The following BDP1 variants were observed in gnomAD, a reference collection of about 807,000 sequenced individuals.
BDP1 encodes BDP1 general transcription factor IIIB subunit.
Under a neutral mutation model 266.6 loss-of-function variants are expected in BDP1, and 169 were observed. That is an observed-to-expected ratio of 0.63 (90% CI 0.56 to 0.72). BDP1 has a LOEUF of 0.72. BDP1 is among the 30% of genes least tolerant of loss of function. The pLI, the probability that BDP1 is intolerant of heterozygous loss-of-function variation, is 0.00. For missense variants in BDP1, 3,015 were observed against 3,053.8 expected, an observed-to-expected ratio of 0.99 and a Z score of 0.30; for synonymous variants, 1,090 against 1,022.4, an observed-to-expected ratio of 1.07 and a Z score of -1.26.
chr5:71,537,691 C>T (rs569003369), intron 26 of BDP1: 248 of 167,372 alleles, frequency 1.5e-3, no homozygotes, highest in Non-Finnish European at 2.5e-3. Context: ...CTCTTGTTTG[C>T]ACTTTTTTTG....
chr5:71,501,416 C>T (rs1331113222), intron 13 of BDP1, 146 bp from the exon 14 acceptor site: 9 of 547,936 alleles, frequency 1.6e-5, no homozygotes, highest in Admixed American at 3.4e-5. Flanking sequence ...TCAGGCAATC[C>T]GCCTGCCTTG....
intron 34 of BDP1, among the ~76,000 whole-genome samples, chr5:71,551,136 A>C (rs1322831720): frequency 6.7e-6 from 1 of 149,040 alleles, no homozygotes; most frequent in African/African-American, 2.5e-5. Context: ...TTTTTAATTG[A>C]TCATTCTTGG....
At chr5:71,474,452 G>A (rs189299360) in intron 7 of BDP1, among the ~76,000 whole-genome samples, 26 of 151,872 alleles carry the variant, frequency 1.7e-4, no homozygotes, top group Non-Finnish European at 4.4e-5. Context: ...CTCCCAAGAA[G>A]TTGGGACTAT....
chr5:71,462,074 T>G, intron 3 of BDP1, 148 bp downstream of exon 3: 1 of 569,062 alleles, frequency 1.8e-6, no homozygotes, highest in South Asian at 2.0e-5. Context: ...GCGATTCTCC[T>G]GCCTCAGATT....
chr5:71,482,464 G>A (rs1479423480), intron 7 of BDP1, among the ~76,000 whole-genome samples: 3 of 152,286 alleles, frequency 2.0e-5, no homozygotes, highest in East Asian at 3.9e-4. Flanking sequence ...ATTCGTGGTG[G>A]AGTTGGATAT....
chr5:71,505,152 G>T (rs1047238792), intron 16 of BDP1, among the ~76,000 whole-genome samples: 1 of 152,038 alleles, frequency 6.6e-6, no homozygotes, highest in African/African-American at 2.4e-5. Flanking sequence ...GATTACAGGT[G>T]CCTGCCACCA....
At chr5:71,550,815 C>T (rs970787075) in intron 34 of BDP1, among the ~76,000 whole-genome samples, 12 of 152,118 alleles carry the variant, frequency 7.9e-5, no homozygotes, top group East Asian at 1.9e-4. Flanking sequence ...AAGTGATTCT[C>T]GTGCCTAAGC....
At chr5:71,506,111 AATT>A (rs1461469075) in intron 16 of BDP1, among the ~76,000 whole-genome samples, 1 of 152,200 alleles carries the variant, frequency 6.6e-6, no homozygotes, top group Non-Finnish European at 1.5e-5. Flanking sequence ...TTAGCTAACA[AATT>A]ATTCTTTTTA....
At position 71,512,300 on chromosome 5, in the gene BDP1, T is replaced by C; in HGVS notation, c.4119T>C (p.Ser1373=). ...MHTPVEEKRN[S]EKEVSSHFSH... ...CACCTGTAGAAGAAAAAAGAAATTC[T>C]GAAAAAGAAGTATCAAGTCACTTCA... The change falls in exon 18 of 39, where the codon TCT becomes TCC. Residue 1373 remains serine (S), a synonymous_variant. Transcript: ENST00000358731. 1 of 1,593,768 alleles carries C rather than the reference T, an allele frequency of 6.3e-7. No individual in the cohort carries two copies. Among genetic ancestry groups the C allele is most frequent in the Non-Finnish European group, 8.5e-7 (1 of 1,174,494 alleles).
At chr5:71,564,730 A>G in intron 38 of BDP1, 24 bp from the exon 39 acceptor site, 4 of 1,567,186 alleles carry the variant, frequency 2.6e-6, no homozygotes, top group South Asian at 2.3e-5. Context: ...TTTTATTTTT[A>G]CTTTATTTTT....
At chr5:71,502,915 G>C (rs1327775749) in intron 15 of BDP1, 124 bp downstream of exon 15, 2 of 753,026 alleles carry the variant, frequency 2.7e-6, no homozygotes, top group Non-Finnish European at 4.1e-6. Flanking sequence ...TTATGACGGA[G>C]TCTTGCTCTG....
At chr5:71,523,018 C>A in intron 24 of BDP1, 69 bp downstream of exon 24, 1 of 1,373,712 alleles carries the variant, frequency 7.3e-7, no homozygotes, top group Non-Finnish European at 9.8e-7. Flanking sequence ...CCTTAACTTA[C>A]TGGTAGAACA....
intron 37 of BDP1, among the ~76,000 whole-genome samples, chr5:71,561,520 G>T (rs565283299): frequency 1.3e-5 from 2 of 152,312 alleles, no homozygotes; most frequent in South Asian, 4.1e-4. Context: ...TATATTTTAG[G>T]CTTTGTAAGC....
chr5:71,470,479 T>C lies in BDP1; in HGVS notation c.1004T>C (p.Ile335Thr). 3 of 1,607,504 alleles carry C rather than the reference T, an allele frequency of 1.9e-6. No homozygotes were observed. Among genetic ancestry groups the C allele is most frequent in the East Asian group, 2.2e-5 (1 of 44,796 alleles). Residue 335 changes from isoleucine to threonine, a missense_variant, in exon 7 of 39, where the codon ATA becomes ACA. Ile to Thr is a moderately conservative substitution (Grantham distance 89). This residue lies in a region of BDP1 where 2,383 missense variants were observed against 2,404.9 expected (regional missense o/e 0.99). Transcript: ENST00000358731. ...CAACTTTTTCCTCACAGAGCAAGGA[T>C]AGAAATTAAGGTAAAGTAAACCCAT... is the stretch of plus-strand genomic sequence containing the variant. The part of the protein sequence containing the change: ...IGQLFPHRAR[I>T]EIKNKFKREE...
chr5:71,497,985 C>T (rs536369107), intron 13 of BDP1, among the ~76,000 whole-genome samples: 2 of 151,788 alleles, frequency 1.3e-5, no homozygotes, highest in East Asian at 3.9e-4. Flanking sequence ...CGGAGTCTCA[C>T]TGTCTCCCAG....
rs1420271319 is a variant in BDP1 at position 71,567,502 on chromosome 5, T to C, written c.*2617T>C. The C allele has an allele frequency of 1.3e-5, 2 of 152,452 alleles. No homozygotes were observed. The highest frequency in any genetic ancestry group is 4.8e-5 in the African/African-American group (2 of 41,436). The allele number at this position is 152,452 out of a possible 1,614,324, so 9.4% of individuals were successfully genotyped here. A position where few individuals can be genotyped will look rare whatever the true frequency, so the allele number is the denominator to read the frequency against. ...TGAAGAAGATGTTGCAAAGGATTTA[T>C]TTCACAAATTTTAAAGGAGATATGA... On this transcript the variant is annotated 3_prime_UTR_variant, in exon 39 of 39. Coordinates refer to ENST00000358731, the MANE Select transcript of BDP1 (RefSeq NM_018429.3).
chr5:71,504,950 A>G (rs1032462311), intron 16 of BDP1, among the ~76,000 whole-genome samples, 199 bp downstream of exon 16: 2 of 152,224 alleles, frequency 1.3e-5, no homozygotes. Flanking sequence ...GTTTGAAGAA[A>G]GCTACTCATC....
chr5:71,483,722 A>C (rs568254808), intron 7 of BDP1, 120 bp from the exon 8 acceptor site: 1 of 709,510 alleles, frequency 1.4e-6, no homozygotes, highest in Non-Finnish European at 2.4e-6. Flanking sequence ...ATTGGCAAAG[A>C]CATATTAAGT....
chr5:71,486,662 TA>T lies in BDP1; in HGVS notation c.1213+36del, dbSNP rs751966204. The T allele has an allele frequency of 4.8e-6, 7 of 1,463,508 alleles. No homozygotes were observed. The East Asian group carries it at 1.9e-4, about 39-fold the overall frequency. 90.7% of individuals were successfully genotyped at this position (1,463,508 alleles called of 1,614,324 possible). A position where few individuals can be genotyped will look rare whatever the true frequency, so the allele number is the denominator to read the frequency against. On this transcript the variant is annotated intron_variant, in intron 9 of 38. Coordinates refer to ENST00000358731, the MANE Select transcript of BDP1 (RefSeq NM_018429.3). ...TTAAAAGGAAGTGTGATAGTTTACT[TA>T]GTAGTAATAAACTTGCAATATTGTC...
Sources: gnomAD v4.1 joint callset for allele counts (sites outside exome capture counted in the v4.1 genomes callset) on GRCh38, gnomAD v4.1.1 for gene constraint, gnomAD v4.1.1 regional missense constraint, MANE v1.5 for transcripts, NCBI Gene and HGNC (gene_info 2026-07-23, HGNC 2026-07-21) for gene names.